The following CFAP144 variants were observed in gnomAD, a reference collection of about 807,000 sequenced individuals.
CFAP144 encodes the protein cilia and flagella associated protein 144, also known as cilia- and flagella-associated protein 144.
chr1:43,151,713 C>T, the CFAP144 span, among the ~76,000 whole-genome samples: 2,049 of 152,224 alleles, frequency 0.013, 44 homozygotes, highest in African/African-American at 0.047. Context: ...CCTTCTTCCC[C>T]TCTACCTTCC....
At chr1:43,147,925 C>G in the CFAP144 span, 2 of 1,612,142 alleles carry the variant, frequency 1.2e-6, no homozygotes, top group East Asian at 2.2e-5. Flanking sequence ...AAGGCCCAGG[C>G]AAGAGGGCGC....
chr1:43,145,419 TC>T, the CFAP144 span: 2 of 740,378 alleles, frequency 2.7e-6, no homozygotes, highest in African/African-American at 1.8e-5. Flanking sequence ...GTCTGGTTCC[TC>T]CCAGACTCCA....
At chr1:43,148,011 G>A in the CFAP144 span, 3 of 1,614,056 alleles carry the variant, frequency 1.9e-6, no homozygotes, top group South Asian at 1.1e-5. Flanking sequence ...ACCAGATCTT[G>A]CGGGAACTGT....
the CFAP144 span, among the ~76,000 whole-genome samples, chr1:43,153,283 A>G: frequency 1.3e-5 from 2 of 152,166 alleles, no homozygotes; most frequent in Non-Finnish European, 2.9e-5. Context: ...TGTACCACTC[A>G]ATATCTCTGA....
the CFAP144 span, among the ~76,000 whole-genome samples, chr1:43,143,251 G>A: frequency 5.3e-5 from 8 of 152,266 alleles, no homozygotes; most frequent in East Asian, 1.5e-3. Flanking sequence ...AGAATAAGTA[G>A]AGTCTCTACC....
the CFAP144 span, among the ~76,000 whole-genome samples, chr1:43,153,660 TA>T: frequency 1.4e-4 from 21 of 151,082 alleles, no homozygotes; most frequent in Admixed American, 5.9e-4. Flanking sequence ...TTTTTAAAAT[TA>T]AAAAAATAAA....
chr1:43,143,950 G>A, the CFAP144 span, among the ~76,000 whole-genome samples: 1 of 152,166 alleles, frequency 6.6e-6, no homozygotes, highest in Non-Finnish European at 1.5e-5. Context: ...TCATTCTCTG[G>A]TCTTCACCGT....
chr1:43,154,072 A>G, the CFAP144 span, among the ~76,000 whole-genome samples: 7,615 of 120,876 alleles, frequency 0.063, 574 homozygotes, highest in African/African-American at 0.24. Context: ...GTATATATAT[A>G]TATATATATA....
the CFAP144 span, among the ~76,000 whole-genome samples, chr1:43,154,238 A>C: frequency 6.9e-6 from 1 of 145,076 alleles, no homozygotes; most frequent in Non-Finnish European, 1.5e-5. Flanking sequence ...TTATATAAAA[A>C]TTATATAAAA....
chr1:43,147,779 G>A, the CFAP144 span: 1 of 1,460,572 alleles, frequency 6.8e-7, no homozygotes, highest in Admixed American at 2.9e-5. Context: ...CGCGGGGCGG[G>A]GCGATGCAGG....
At chr1:43,150,863 GAGGC>G in the CFAP144 span, 3 of 1,530,764 alleles carry the variant, frequency 2.0e-6, no homozygotes, top group Non-Finnish European at 2.7e-6. Context: ...AGAGCCCAGA[GAGGC>G]AGGCTGGCTG....
At chr1:43,150,097 A>G in the CFAP144 span, among the ~76,000 whole-genome samples, 1 of 152,064 alleles carries the variant, frequency 6.6e-6, no homozygotes, top group Non-Finnish European at 1.5e-5. Context: ...CCCAGCCCCA[A>G]CGCCAACTCT....
the CFAP144 span, among the ~76,000 whole-genome samples, chr1:43,155,785 C>T: frequency 4.5e-4 from 69 of 152,352 alleles, no homozygotes; most frequent in South Asian, 0.013. Context: ...ATCATTCAGC[C>T]TCTCATCTCC....
chr1:43,154,200 A>C, the CFAP144 span, among the ~76,000 whole-genome samples: 3 of 139,310 alleles, frequency 2.2e-5, no homozygotes, highest in Non-Finnish European at 4.6e-5. Context: ...ATATAAATAA[A>C]ATTATATATA....
At chr1:43,145,079 G>A in the CFAP144 span, 151 of 606,140 alleles carry the variant, frequency 2.5e-4, no homozygotes, top group African/African-American at 1.3e-3. Context: ...CTCCATTCCC[G>A]TCTGGGCAAT....
the CFAP144 span, among the ~76,000 whole-genome samples, chr1:43,152,444 G>C: frequency 6.6e-6 from 1 of 152,112 alleles, no homozygotes; most frequent in African/African-American, 2.4e-5. Context: ...ATCTACAGCA[G>C]CTGCCCTTGC....
chr1:43,152,547 C>T, the CFAP144 span, among the ~76,000 whole-genome samples: 1 of 152,228 alleles, frequency 6.6e-6, no homozygotes, highest in South Asian at 2.1e-4. Flanking sequence ...ACTGTGTCCT[C>T]TGCCTCATCT....
the CFAP144 span, chr1:43,145,318 C>G: frequency 6.5e-7 from 1 of 1,542,180 alleles, no homozygotes; most frequent in Admixed American, 2.0e-5. Flanking sequence ...TCGATCTGCC[C>G]TGCATTCAAG....
the CFAP144 span, chr1:43,147,862 C>G: frequency 4.5e-6 from 7 of 1,561,646 alleles, no homozygotes; most frequent in Non-Finnish European, 5.2e-6. Context: ...GCCTGGAGAC[C>G]ACGGGACGCC....
Sources: gnomAD v4.1 joint callset for allele counts (sites outside exome capture counted in the v4.1 genomes callset) on GRCh38, gnomAD v4.1.1 for gene constraint, MANE v1.5 for transcripts, NCBI Gene and HGNC (gene_info 2026-07-23, HGNC 2026-07-21) for gene names.